The following FHIT variants were observed in gnomAD, a reference collection of about 807,000 sequenced individuals.
The protein encoded by FHIT is bis(5'-adenosyl)-triphosphatase.
A neutral mutation model predicts 17.9 loss-of-function variants in FHIT; 19 were observed. The ratio of observed to expected loss-of-function variants is 1.06; its 90% CI spans 0.74 to 1.56. FHIT has a LOEUF of 1.56. Ranked by LOEUF, FHIT falls within the 40% of genes most tolerant of loss-of-function variation. FHIT has a pLI of 0.00. For missense variants in FHIT, 248 were observed against 189.2 expected (o/e 1.31, Z -1.82); for synonymous variants, 81 against 69.7 (o/e 1.16, Z -0.81).
intron 7 of FHIT, among the ~76,000 whole-genome samples, chr3:59,985,149 G>A (rs1297982183): frequency 6.6e-6 from 1 of 152,086 alleles, no homozygotes; most frequent in Non-Finnish European, 1.5e-5. Flanking sequence ...AGTTGAGTGG[G>A]GCATGCAGCT....
At chr3:60,843,549 T>C (rs1465315730) in intron 3 of FHIT, among the ~76,000 whole-genome samples, 2 of 152,228 alleles carry the variant, frequency 1.3e-5, no homozygotes, top group Non-Finnish European at 2.9e-5. Context: ...CTATGTGTTC[T>C]TGTGCTGGAT....
At chr3:60,827,458 A>G (rs782230716) in intron 3 of FHIT, among the ~76,000 whole-genome samples, 10 of 152,234 alleles carry the variant, frequency 6.6e-5, no homozygotes, top group Admixed American at 2.0e-4. Context: ...TAAAACGAGC[A>G]AGGTAGAAAA....
At chr3:60,175,635 G>A (rs140366923) in intron 5 of FHIT, among the ~76,000 whole-genome samples, 3 of 152,248 alleles carry the variant, frequency 2.0e-5, no homozygotes, top group South Asian at 4.2e-4. Context: ...GATAAAAGCT[G>A]TGCACATTTA....
At chr3:60,713,146 T>C (rs1190316727) in intron 4 of FHIT, among the ~76,000 whole-genome samples, 3 of 152,104 alleles carry the variant, frequency 2.0e-5, no homozygotes, top group Non-Finnish European at 4.4e-5. Context: ...CTCAACTACA[T>C]GGAAACTGAA....
intron 5 of FHIT, among the ~76,000 whole-genome samples, chr3:60,057,149 A>T (rs1702115013): frequency 6.6e-6 from 1 of 152,220 alleles, no homozygotes; most frequent in African/African-American, 2.4e-5. Context: ...GTGAACACCT[A>T]CTAGAAGCCA....
At chr3:60,025,923 G>A (rs564677053) in intron 5 of FHIT, among the ~76,000 whole-genome samples, 2 of 152,260 alleles carry the variant, frequency 1.3e-5, no homozygotes, top group South Asian at 2.1e-4. Flanking sequence ...GCAATGAACT[G>A]TACTGCCAGA....
intron 5 of FHIT, among the ~76,000 whole-genome samples, chr3:60,421,733 G>C (rs577767031): frequency 5.9e-5 from 9 of 151,882 alleles, no homozygotes; most frequent in African/African-American, 9.7e-5. Context: ...ATATCAATTT[G>C]CTTTTCTTGT....
In FHIT at chr3:59,788,881, G is replaced by GTTTTTTTTTTT. The variant is rs60361063; in HGVS notation, c.349-36571_349-36561dup. Among the ~76,000 whole-genome samples, 48 of 86,830 alleles carry GTTTTTTTTTTT rather than the reference G, an allele frequency of 5.5e-4. 8 individuals carry two copies. Among genetic ancestry groups the GTTTTTTTTTTT allele is most frequent in the East Asian group, 2.0e-3 (5 of 2,508 alleles). 57.0% of individuals were successfully genotyped at this position (86,830 alleles called of 152,430 possible). A position where few individuals can be genotyped will look rare whatever the true frequency, so the allele number is the denominator to read the frequency against. ...ACCACGTTCTTTGCTGAGTTCATATGTTTTTTTTTTTTACCCCATCTCCAA... is the reference window on the plus strand; with the variant it reads ...ACCACGTTCTTTGCTGAGTTCATATGTTTTTTTTTTTTTTTTTTTTTTTACCCCATCTCCAA... On this transcript the variant is annotated intron_variant, in intron 8 of 9. Transcript: ENST00000492590.
intron 5 of FHIT, among the ~76,000 whole-genome samples, chr3:60,210,979 A>G (rs559566247): frequency 6.6e-6 from 1 of 151,916 alleles, no homozygotes; most frequent in African/African-American, 2.4e-5. Context: ...TTAAAATAAC[A>G]AGAGATTGAA....
intron 4 of FHIT, among the ~76,000 whole-genome samples, chr3:60,646,757 A>T (rs1300043476): frequency 2.0e-5 from 3 of 152,218 alleles, no homozygotes; most frequent in Non-Finnish European, 4.4e-5. Flanking sequence ...GGTTAAGGGT[A>T]AAAGTGGGGG....
In FHIT at chr3:60,795,809, C is replaced by T. The variant is rs539940038; in HGVS notation, c.-18+26110G>A. On this transcript the variant is annotated intron_variant, in intron 4 of 9. Transcript: ENST00000492590. ...AGATTATAGGCTTGAGCCACTGGGA[C>T]TGTCTGCTTTCCATTTTTTGTTTTT... 5.9e-5 allele frequency among the ~76,000 whole-genome samples: 9 copies of T among 152,308 alleles called. No individual in the cohort carries two copies. The South Asian group carries it at 8.3e-4, about 14-fold the overall frequency.
At chr3:60,955,617 T>TACATATATATATATAC (rs1559862368) in intron 3 of FHIT, among the ~76,000 whole-genome samples, 263 of 13,788 alleles carry the variant, frequency 0.019, 8 homozygotes, top group South Asian at 0.085. Context: ...TATATATATA[T>TACATATATATATATAC]ATATATATAT....
chr3:59,763,048 GC>G (rs1701607280), intron 8 of FHIT, among the ~76,000 whole-genome samples: 1 of 152,026 alleles, frequency 6.6e-6, no homozygotes, highest in Non-Finnish European at 1.5e-5. Context: ...TTTCCCCCCC[GC>G]CGGTGTTTCA....
chr3:60,155,413 A>G (rs998500173), intron 5 of FHIT, among the ~76,000 whole-genome samples: 5 of 152,028 alleles, frequency 3.3e-5, no homozygotes, highest in African/African-American at 1.2e-4. Context: ...CAACTACCCC[A>G]CGCAGCAAAG....
At chr3:61,145,102 A>C (rs2037189558) in intron 2 of FHIT, among the ~76,000 whole-genome samples, 1 of 152,146 alleles carries the variant, frequency 6.6e-6, no homozygotes, top group Non-Finnish European at 1.5e-5. Context: ...TATTGTATCT[A>C]AGAAACCTAA....
intron 8 of FHIT, among the ~76,000 whole-genome samples, chr3:59,829,425 C>T (rs914489074): frequency 6.6e-6 from 1 of 152,114 alleles, no homozygotes; most frequent in Admixed American, 6.5e-5. Flanking sequence ...AGGGAGCCCT[C>T]GAACTTCAAA....
At chr3:60,073,521 A>G (rs913679384) in intron 5 of FHIT, among the ~76,000 whole-genome samples, 1 of 152,008 alleles carries the variant, frequency 6.6e-6, no homozygotes, top group African/African-American at 2.4e-5. Context: ...CTCTCATTTC[A>G]AAACCCTATT....
intron 3 of FHIT, among the ~76,000 whole-genome samples, chr3:60,934,377 T>C (rs1355135038): frequency 2.6e-5 from 4 of 152,182 alleles, no homozygotes; most frequent in African/African-American, 4.8e-5. Flanking sequence ...ACTAAGGACC[T>C]GGAAAAAGCT....
chr3:60,220,077 AACATGAAT>A (rs879862432), intron 5 of FHIT, among the ~76,000 whole-genome samples: 2 of 152,188 alleles, frequency 1.3e-5, no homozygotes, highest in African/African-American at 4.8e-5. Flanking sequence ...ATAGAGGCTA[AACATGAAT>A]TTTAGATCTA....
Sources: allele counts gnomAD v4.1 joint callset (sites outside exome capture counted in the v4.1 genomes callset), GRCh38; gene constraint gnomAD v4.1.1; transcripts MANE v1.5; gene names NCBI Gene and HGNC (gene_info 2026-07-23, HGNC 2026-07-21).